BCL2L1: variants seen among roughly 807,000 people sequenced by gnomAD.
BCL2L1 encodes BCL2 like 1.
Under a neutral mutation model 18.7 loss-of-function variants are expected in BCL2L1, and 1 was observed. The ratio of observed to expected loss-of-function variants is 0.05; its 90% CI spans 0.02 to 0.25. BCL2L1 has a LOEUF of 0.25. BCL2L1 is among the 10% of genes least tolerant of loss of function. The pLI, the probability that BCL2L1 is intolerant of heterozygous loss-of-function variation, is 1.00. For synonymous variants in BCL2L1, 103 were observed against 122.7 expected (o/e 0.84, Z 1.06); for missense variants, 207 against 304.9 (o/e 0.68, Z 2.39).
At chr20:31,679,025 CACTG>C (rs2060810713) in intron 2 of BCL2L1, among the ~76,000 whole-genome samples, 1 of 152,218 alleles carries the variant, frequency 6.6e-6, no homozygotes, top group Admixed American at 6.5e-5. Flanking sequence ...AACCCACATC[CACTG>C]ACTGTCAGCC....
At position 31,672,117 on chromosome 20, in the gene BCL2L1, A is replaced by T. The variant is rs1243860626; in HGVS notation, c.565-6031T>A. ...GGAAGCAGAGAGGATAACAAGAAAA[A>T]AAAAAGATAATTTTAGAGATGATAG... On this transcript the variant is annotated intron_variant, in intron 2 of 2. Transcript: ENST00000307677. 5.3e-5 allele frequency among the ~76,000 whole-genome samples: 8 copies of T among 151,696 alleles called. No individual in the cohort carries two copies. In the East Asian group the frequency reaches 1.5e-3, roughly 29 times the overall value.
Position 31,722,164 on chromosome 20 carries a change from G to T in BCL2L1, c.55C>A (p.Gln19Lys). 6.6e-7 allele frequency: 1 copy of T among 1,503,862 alleles called. No homozygotes were observed. The highest frequency in any genetic ancestry group is 8.8e-7 in the Non-Finnish European group (1 of 1,133,024). The allele number at this position is 1,503,862 out of a possible 1,614,324, so 93.2% of individuals were successfully genotyped here. A position where few individuals can be genotyped will look rare whatever the true frequency, so the allele number is the denominator to read the frequency against. ...VVDFLSYKLS[Q>K]KGYSWSQFSD... is the part of the protein sequence containing the mutation. ...AACTGACTCCAGCTGTATCCTTTCT[G>T]GGAAAGCTTGTAGGAGAGAAAGTCA... The change falls in exon 2 of 3, where the codon CAG (glutamine) becomes AAG (lysine). Residue 19 changes from glutamine (Q) to lysine (K), a missense_variant. Physicochemically the swap from Gln to Lys is moderately conservative, Grantham distance 53. Transcript: ENST00000307677.
chr20:31,701,159 T>C (rs1474338579), intron 2 of BCL2L1, among the ~76,000 whole-genome samples: 2 of 152,194 alleles, frequency 1.3e-5, no homozygotes, highest in Non-Finnish European at 2.9e-5. Context: ...GTTCAAGCGA[T>C]TCTCCTGCCT....
intron 2 of BCL2L1, among the ~76,000 whole-genome samples, chr20:31,703,544 T>A (rs2122719083): frequency 6.6e-6 from 1 of 150,976 alleles, no homozygotes; most frequent in East Asian, 2.0e-4. Flanking sequence ...CAGGCTGGCG[T>A]GCAGTGGTGC....
intron 2 of BCL2L1, among the ~76,000 whole-genome samples, chr20:31,688,277 C>T (rs144429793): frequency 6.6e-6 from 1 of 151,780 alleles, no homozygotes; most frequent in African/African-American, 2.4e-5. Flanking sequence ...AACCCTGTCT[C>T]TACTAAAAAT....
intron 2 of BCL2L1, 109 bp downstream of exon 2, chr20:31,721,546 C>T (rs2061630926): frequency 4.5e-6 from 6 of 1,334,960 alleles, no homozygotes; most frequent in South Asian, 1.5e-5. Flanking sequence ...CAACTATCAA[C>T]GTCTCCAACA....
intron 2 of BCL2L1, among the ~76,000 whole-genome samples, chr20:31,669,826 T>G (rs1012116986): frequency 2.0e-5 from 3 of 152,134 alleles, no homozygotes; most frequent in Non-Finnish European, 4.4e-5. Context: ...TGTAAATACA[T>G]GAGAATACAT....
At chr20:31,721,329 C>G (rs187315620) in intron 2 of BCL2L1, among the ~76,000 whole-genome samples, 18 of 152,294 alleles carry the variant, frequency 1.2e-4, no homozygotes, top group African/African-American at 4.3e-4. Context: ...AAGGGAAACA[C>G]CGAACTAACT....
intron 2 of BCL2L1, among the ~76,000 whole-genome samples, chr20:31,721,161 T>A (rs2061621764): frequency 6.6e-6 from 1 of 152,152 alleles, no homozygotes; most frequent in Admixed American, 6.5e-5. Flanking sequence ...CACGCAAACT[T>A]TGAAATAAAG....
chr20:31,691,768 G>A (rs1290989142), intron 2 of BCL2L1, among the ~76,000 whole-genome samples: 2 of 152,080 alleles, frequency 1.3e-5, no homozygotes, highest in African/African-American at 2.4e-5. Context: ...TTTACAAAGA[G>A]GAAACATGAA....
At chr20:31,671,103 A>C (rs1452509700) in intron 2 of BCL2L1, among the ~76,000 whole-genome samples, 4 of 152,058 alleles carry the variant, frequency 2.6e-5, no homozygotes, top group Non-Finnish European at 4.4e-5. Flanking sequence ...AAAGTGGGGT[A>C]GCTGACTTCC....
intron 2 of BCL2L1, among the ~76,000 whole-genome samples, chr20:31,684,500 G>A (rs1248453741): frequency 6.6e-6 from 1 of 151,606 alleles, no homozygotes; most frequent in Non-Finnish European, 1.5e-5. Context: ...GGACCCAGCT[G>A]AGCCCAGGGG....
At chr20:31,666,724 A>G (rs2060594655) in intron 2 of BCL2L1, among the ~76,000 whole-genome samples, 1 of 151,950 alleles carries the variant, frequency 6.6e-6, no homozygotes. Flanking sequence ...AGGGCAGAGG[A>G]GAGAGGGTAA....
intron 2 of BCL2L1, among the ~76,000 whole-genome samples, chr20:31,674,934 C>A (rs887945810): frequency 6.6e-6 from 1 of 151,702 alleles, no homozygotes; most frequent in Non-Finnish European, 1.5e-5. Flanking sequence ...GGCAGCAAAC[C>A]CCATATTCTG....
At chr20:31,691,369 C>G (rs1301207575) in intron 2 of BCL2L1, among the ~76,000 whole-genome samples, 1 of 150,546 alleles carries the variant, frequency 6.6e-6, no homozygotes. Context: ...CAAAAATTAG[C>G]TGGGTGTGGT....
intron 2 of BCL2L1, among the ~76,000 whole-genome samples, chr20:31,693,458 G>C (rs995295949): frequency 7.9e-5 from 12 of 151,958 alleles, no homozygotes; most frequent in Non-Finnish European, 1.2e-4. Flanking sequence ...AGAAAACACA[G>C]AACTCAGGAG....
chr20:31,718,482 C>T (rs2061573666), intron 2 of BCL2L1, among the ~76,000 whole-genome samples: 1 of 151,946 alleles, frequency 6.6e-6, no homozygotes, highest in Admixed American at 6.6e-5. Flanking sequence ...ATGGAGAAAC[C>T]CCATCTCTAC....
chr20:31,669,475 C>T (rs575326680), intron 2 of BCL2L1, among the ~76,000 whole-genome samples: 12 of 144,490 alleles, frequency 8.3e-5, no homozygotes, highest in Non-Finnish European at 1.5e-4. Context: ...TTTTTTTAGA[C>T]GAAGACTTGC....
chr20:31,715,220 A>G (rs2061512565), intron 2 of BCL2L1, among the ~76,000 whole-genome samples: 1 of 151,252 alleles, frequency 6.6e-6, no homozygotes, highest in Non-Finnish European at 1.5e-5. Flanking sequence ...TGCAGTGAGC[A>G]GAGATCGTGC....
Sources: gnomAD v4.1 joint callset for allele counts (sites outside exome capture counted in the v4.1 genomes callset) on GRCh38, gnomAD v4.1.1 for gene constraint, MANE v1.5 for transcripts, NCBI Gene and HGNC (gene_info 2026-07-23, HGNC 2026-07-21) for gene names.